Variants in ACYP2 observed in about 807,000 individuals in gnomAD.
The protein encoded by ACYP2 is acylphosphatase 2.
ACYP2 carries 12 observed loss-of-function variants against 11.2 expected under a neutral mutation model. The observed-to-expected ratio is 1.08, with a 90% CI of 0.69 to 1.74. The LOEUF (loss-of-function observed/expected upper bound fraction) is 1.74. ACYP2 is among the 40% of genes most tolerant of loss of function. The pLI is 0.00. For missense variants in ACYP2, 134 were observed against 101.9 expected, an observed-to-expected ratio of 1.31 and a Z score of -1.35; for synonymous variants, 43 against 32.2, an observed-to-expected ratio of 1.33 and a Z score of -1.13.
chr2:54,296,723 C>T (rs1689537735), intron 6 of ACYP2, among the ~76,000 whole-genome samples: 1 of 152,160 alleles, frequency 6.6e-6, no homozygotes, highest in Non-Finnish European at 1.5e-5. Context: ...GTTTCATTTT[C>T]AAAACCTCTA....
chr2:54,059,719 G>A (rs1007530298), intron 4 of ACYP2, among the ~76,000 whole-genome samples: 2 of 152,068 alleles, frequency 1.3e-5, no homozygotes, highest in Non-Finnish European at 2.9e-5. Flanking sequence ...TTTTGGTTAG[G>A]TCACTCCATT....
rs1160991715 is a variant in ACYP2 at position 54,141,877 on chromosome 2, T to C, written c.404+3129T>C. ...TTTGAGACAAGGGTCTTGCTCTCTC[T>C]CCTAGGCTGGAGTGCAGTGGTCTGA... is the stretch of plus-strand genomic sequence containing the variant. On this transcript the variant is annotated intron_variant, in intron 6 of 6. Transcript: ENST00000607452. 3 of 642,206 alleles carry C rather than the reference T, an allele frequency of 4.7e-6. No individual in the cohort carries two copies. The Admixed American group carries it at 6.4e-5, about 14-fold the overall frequency. 39.8% of individuals were successfully genotyped at this position (642,206 alleles called of 1,614,324 possible). A position where few individuals can be genotyped will look rare whatever the true frequency, so the allele number is the denominator to read the frequency against.
At chr2:54,058,303 T>C (rs1676266226) in intron 4 of ACYP2, among the ~76,000 whole-genome samples, 1 of 34,424 alleles carries the variant, frequency 2.9e-5, no homozygotes, top group Admixed American at 3.1e-4. Flanking sequence ...ACTACAAAGC[T>C]TATATTAAAA....
chr2:54,075,825 T>A (rs1043561931), intron 4 of ACYP2, among the ~76,000 whole-genome samples: 1 of 151,756 alleles, frequency 6.6e-6, no homozygotes, highest in Non-Finnish European at 1.5e-5. Flanking sequence ...AAAAAAAAAA[T>A]TCTCGTAATA....
In ACYP2 at chr2:54,070,047, G is replaced by T. The variant is rs369660112; in HGVS notation, c.277+12687G>T. On this transcript the variant is annotated intron_variant, in intron 4 of 6. Transcript: ENST00000607452. ...GCGCTTTGGGAGGCCAAGGTGGGCA[G>T]ATCACCTGAGGTCAGGAGTTCAAGA... 5.3e-3 allele frequency among the ~76,000 whole-genome samples: 810 copies of T among 152,060 alleles called. 2 individuals are homozygous for T. Among genetic ancestry groups the T allele is most frequent in the Non-Finnish European group, 9.1e-3 (622 of 67,986 alleles).
At chr2:54,011,232 A>G (rs1673354735) in intron 2 of ACYP2, among the ~76,000 whole-genome samples, 1 of 152,242 alleles carries the variant, frequency 6.6e-6, no homozygotes, top group Admixed American at 6.5e-5. Context: ...GAATAAAAAT[A>G]GAATGCTTTC....
At chr2:54,097,693 G>T (rs1678665600) in intron 4 of ACYP2, among the ~76,000 whole-genome samples, 1 of 151,842 alleles carries the variant, frequency 6.6e-6, no homozygotes, top group Admixed American at 6.6e-5. Flanking sequence ...TATTCTCGGG[G>T]GAGGAAGGGG....
At chr2:54,252,674 C>T (rs577820530) in intron 6 of ACYP2, among the ~76,000 whole-genome samples, 3 of 152,140 alleles carry the variant, frequency 2.0e-5, no homozygotes, top group South Asian at 2.1e-4. Flanking sequence ...TGCCAATGGT[C>T]GGGCGGATCA....
At chr2:54,257,687 A>G (rs1687616904) in intron 6 of ACYP2, among the ~76,000 whole-genome samples, 1 of 152,380 alleles carries the variant, frequency 6.6e-6, no homozygotes, top group South Asian at 2.1e-4. Flanking sequence ...AAAATAAGCA[A>G]TATTTGGAGA....
At chr2:54,170,046 T>G (rs1353176179) in intron 6 of ACYP2, among the ~76,000 whole-genome samples, 1 of 152,186 alleles carries the variant, frequency 6.6e-6, no homozygotes, top group African/African-American at 2.4e-5. Flanking sequence ...TCATTATGCT[T>G]TTATATGACT....
chr2:54,034,794 A>G (rs1290836018), intron 2 of ACYP2, among the ~76,000 whole-genome samples: 1 of 152,070 alleles, frequency 6.6e-6, no homozygotes, highest in Non-Finnish European at 1.5e-5. Context: ...GTGGATCACG[A>G]GGTCAGGCAT....
intron 6 of ACYP2, among the ~76,000 whole-genome samples, chr2:54,219,905 A>ATATATATATATTTT (rs1288814375): frequency 2.6e-4 from 20 of 75,972 alleles, no homozygotes; most frequent in Non-Finnish European, 4.1e-4. Flanking sequence ...ATATATATAT[A>ATATATATATATTTT]TTTTTTTTTT....
At chr2:54,200,406 C>T in intron 6 of ACYP2, among the ~76,000 whole-genome samples, 1 of 152,164 alleles carries the variant, frequency 6.6e-6, no homozygotes, top group East Asian at 1.9e-4. Flanking sequence ...TACCCATTGG[C>T]AGTCACTCCC....
Position 54,201,001 on chromosome 2 carries a change from T to C in ACYP2, c.404+62253T>C, listed in dbSNP as rs145157881. Among the ~76,000 whole-genome samples the C allele has an allele frequency of 6.5e-3, 989 of 152,304 alleles. 6 individuals are homozygous for C. The highest frequency in any genetic ancestry group is 9.2e-3 in the Non-Finnish European group (625 of 68,022). On this transcript the variant is annotated intron_variant, in intron 6 of 6. Transcript: ENST00000607452. Reference sequence around the variant, plus strand: ...TTTTGATTTGTATTTCCCTGGCGGCTGATCATGTTAAAATCCTTTCATGTG... The same window carrying C: ...TTTTGATTTGTATTTCCCTGGCGGCCGATCATGTTAAAATCCTTTCATGTG...
chr2:53,981,495 C>G (rs2104510499), intron 2 of ACYP2, among the ~76,000 whole-genome samples: 1 of 152,224 alleles, frequency 6.6e-6, no homozygotes, highest in African/African-American at 2.4e-5. Flanking sequence ...AGTGAAGTTA[C>G]AAAGTTAAAC....
chr2:54,035,265 CTTTT>C (rs895749612), intron 2 of ACYP2, among the ~76,000 whole-genome samples: 3 of 126,022 alleles, frequency 2.4e-5, no homozygotes, highest in African/African-American at 3.0e-5. Flanking sequence ...TTTTCTTTTT[CTTTT>C]TTTTTTTTTT....
At chr2:54,041,601 G>A (rs1007846615) in intron 2 of ACYP2, among the ~76,000 whole-genome samples, 32 of 152,304 alleles carry the variant, frequency 2.1e-4, no homozygotes, top group African/African-American at 6.5e-4. Context: ...GCATTTGGCT[G>A]CACAGGTGTA....
chr2:54,018,894 T>A lies in ACYP2; in HGVS notation c.63-32064T>A, dbSNP rs111307920. Among the ~76,000 whole-genome samples, 1,375 of 151,582 alleles carry A rather than the reference T, an allele frequency of 9.1e-3. 10 individuals are homozygous for A. Among genetic ancestry groups the A allele is most frequent in the Non-Finnish European group, 0.013 (872 of 67,816 alleles). On this transcript the variant is annotated intron_variant, in intron 2 of 6. Transcript: ENST00000607452. ...TCCTGAGTAGCTGGGATTACAGGTG[T>A]GCACCACCACACCTGGCTAATTTTT...
At chr2:54,299,829 G>C (rs1689656500) in intron 6 of ACYP2, among the ~76,000 whole-genome samples, 1 of 152,152 alleles carries the variant, frequency 6.6e-6, no homozygotes, top group Non-Finnish European at 1.5e-5. Flanking sequence ...CTGCTTGCAG[G>C]ACAGGCACCT....
Sources: gnomAD v4.1 joint callset for allele counts (sites outside exome capture counted in the v4.1 genomes callset) on GRCh38, gnomAD v4.1.1 for gene constraint, MANE v1.5 for transcripts, NCBI Gene and HGNC (gene_info 2026-07-23, HGNC 2026-07-21) for gene names.